FAM241A: variants seen among roughly 807,000 people sequenced by gnomAD.
The protein encoded by FAM241A is family with sequence similarity 241 member A.
FAM241A carries 7 observed loss-of-function variants against 12.2 expected under a neutral mutation model. That is an observed-to-expected ratio of 0.58 (90% CI 0.33 to 1.08). The LOEUF (loss-of-function observed/expected upper bound fraction) is 1.08. Ranked by LOEUF, FAM241A falls within the 50% of genes least tolerant of loss-of-function variation. The pLI is 0.04. For missense variants in FAM241A, 161 were observed against 169.7 expected, an observed-to-expected ratio of 0.95 and a Z score of 0.29; for synonymous variants, 74 against 68.2, an observed-to-expected ratio of 1.08 and a Z score of -0.42.
At chr4:112,149,555 A>T (rs1350835457) in intron 1 of FAM241A, among the ~76,000 whole-genome samples, 2 of 152,204 alleles carry the variant, frequency 1.3e-5, no homozygotes, top group African/African-American at 4.8e-5. Context: ...AAGTAGAAGA[A>T]CTAGGTCAAT....
rs1022660388 is a variant in FAM241A at position 112,188,901 on chromosome 4, A to T, written c.*1963A>T. 7 of 152,134 alleles carry T rather than the reference A, an allele frequency of 4.6e-5. No individual in the cohort carries two copies. Among genetic ancestry groups the T allele is most frequent in the African/African-American group, 7.2e-5 (3 of 41,428 alleles). The allele number at this position is 152,134 out of a possible 1,614,324, so 9.4% of individuals were successfully genotyped here. ...ATATTAAATTATATAAAGAAATAAGATATTTTGCTGTTATTCTTTCTACAT... is the reference window on the plus strand; with the variant it reads ...ATATTAAATTATATAAAGAAATAAGTTATTTTGCTGTTATTCTTTCTACAT... On this transcript the variant is annotated 3_prime_UTR_variant, in exon 2 of 2. Transcript: ENST00000309733.
At chr4:112,176,747 A>G (rs978561156) in intron 1 of FAM241A, among the ~76,000 whole-genome samples, 1 of 152,238 alleles carries the variant, frequency 6.6e-6, no homozygotes, top group Non-Finnish European at 1.5e-5. Flanking sequence ...GGACCAAAAA[A>G]AGAGTATCAC....
intron 1 of FAM241A, among the ~76,000 whole-genome samples, chr4:112,146,112 C>G (rs1254090866): frequency 1.3e-5 from 2 of 152,184 alleles, no homozygotes; most frequent in Non-Finnish European, 2.9e-5. Context: ...CGAGTCCGTG[C>G]CCTGCGCCAG....
At chr4:112,159,381 G>A (rs537422409) in intron 1 of FAM241A, among the ~76,000 whole-genome samples, 2 of 152,110 alleles carry the variant, frequency 1.3e-5, no homozygotes, top group South Asian at 4.2e-4. Flanking sequence ...AAAGATAGGA[G>A]GAAAAAGTAA....
At chr4:112,179,957 GTGTA>G (rs891755270) in intron 1 of FAM241A, among the ~76,000 whole-genome samples, 1 of 126,058 alleles carries the variant, frequency 7.9e-6, no homozygotes, top group African/African-American at 3.1e-5. Context: ...GTGTGTGTGT[GTGTA>G]TATATATATA....
chr4:112,149,966 T>G (rs1044105228), intron 1 of FAM241A, among the ~76,000 whole-genome samples: 1 of 152,106 alleles, frequency 6.6e-6, no homozygotes, highest in Non-Finnish European at 1.5e-5. Flanking sequence ...ATTTTTTTGG[T>G]AATTTCGTAT....
rs1336089622 is a variant in FAM241A at position 112,186,930 on chromosome 4, C to T, written c.391C>T (p.Gln131Ter). 2 of 1,612,240 alleles carry T rather than the reference C, an allele frequency of 1.2e-6. No homozygotes were observed. Among genetic ancestry groups the T allele is most frequent in the African/African-American group, 2.7e-5 (2 of 74,774 alleles). The change falls in exon 2 of 2, where the codon CAA (glutamine) becomes TAA (stop). Residue 131 changes from glutamine to a stop codon, truncating the protein, a stop_gained. Coordinates refer to ENST00000309733, the MANE Select transcript of FAM241A (RefSeq NM_152400.3). LOFTEE classifies it high-confidence loss of function. Reference protein sequence around the residue: ...AVLCLVIIYVQQ With the variant: ...AVLCLVIIYV ...TCTTTGCCTTGTTATTATTTATGTG[C>T]AACAGTAAAACATGGCCGAATTGAA...
At chr4:112,175,702 A>T (rs534721777) in intron 1 of FAM241A, among the ~76,000 whole-genome samples, 1 of 151,994 alleles carries the variant, frequency 6.6e-6, no homozygotes, top group East Asian at 1.9e-4. Context: ...CGGGAGGCAG[A>T]GGTTGCAGTG....
chr4:112,157,010 T>G (rs755990024), intron 1 of FAM241A, among the ~76,000 whole-genome samples: 1 of 152,116 alleles, frequency 6.6e-6, no homozygotes, highest in Non-Finnish European at 1.5e-5. Context: ...AGTAGAAAGA[T>G]AGTGAATAAA....
At position 112,187,435 on chromosome 4, in the gene FAM241A, C is replaced by G. The variant is rs1390410739; in HGVS notation, c.*497C>G. ...ATATTTGGATTTCAATTGTCCCTAC[C>G]CAGCCTAAACTAAGGTAAATGATAA... On this transcript the variant is annotated 3_prime_UTR_variant, in exon 2 of 2. Coordinates refer to ENST00000309733, the MANE Select transcript of FAM241A (RefSeq NM_152400.3). 1 of 153,164 alleles carries G rather than the reference C, an allele frequency of 6.5e-6. No individual in the cohort carries two copies. Among genetic ancestry groups the G allele is most frequent in the African/African-American group, 2.4e-5 (1 of 41,402 alleles). The allele number at this position is 153,164 out of a possible 1,614,324, so 9.5% of individuals were successfully genotyped here. A position where few individuals can be genotyped will look rare whatever the true frequency, so the allele number is the denominator to read the frequency against.
Position 112,192,809 on chromosome 4 carries a change from G to A in FAM241A, c.*5871G>A, listed in dbSNP as rs1289719536. On this transcript the variant is annotated 3_prime_UTR_variant, in exon 2 of 2. Transcript: ENST00000309733. ...GTGAATAGTGCTGCAATAAACATAC[G>A]TGTGCATGTGTCTTTATAGCAGCAT... is the stretch of plus-strand genomic sequence containing the variant. 7 of 151,584 alleles carry A rather than the reference G, an allele frequency of 4.6e-5. No homozygotes were observed. The highest frequency in any genetic ancestry group is 7.4e-5 in the Non-Finnish European group (5 of 67,916). 9.4% of individuals were successfully genotyped at this position (151,584 alleles called of 1,614,324 possible). A position where few individuals can be genotyped will look rare whatever the true frequency, so the allele number is the denominator to read the frequency against.
chr4:112,187,669 A>C lies in FAM241A; in HGVS notation c.*731A>C, dbSNP rs1400428932. 1.3e-5 allele frequency: 2 copies of C among 152,592 alleles called. No homozygotes were observed. The highest frequency in any genetic ancestry group is 2.4e-5 in the African/African-American group (1 of 41,454). 9.5% of individuals were successfully genotyped at this position (152,592 alleles called of 1,614,324 possible). A position where few individuals can be genotyped will look rare whatever the true frequency, so the allele number is the denominator to read the frequency against. ...TGCTAATTACTTTTTGTGAGTTTTT[A>C]AAGTCTCATAGCCTAGTTGACTGCA... On this transcript the variant is annotated 3_prime_UTR_variant, in exon 2 of 2. Transcript: ENST00000309733.
At chr4:112,181,366 T>A (rs973581473) in intron 1 of FAM241A, among the ~76,000 whole-genome samples, 4 of 152,106 alleles carry the variant, frequency 2.6e-5, no homozygotes, top group Admixed American at 2.0e-4. Context: ...TATCAAATAC[T>A]TCTCTAATGC....
intron 1 of FAM241A, chr4:112,171,090 A>G: frequency 8.7e-6 from 3 of 346,184 alleles, no homozygotes; most frequent in Non-Finnish European, 1.7e-5. Context: ...GCTATACTAC[A>G]GTGAGCCAGA....
At position 112,171,614 on chromosome 4, in the gene FAM241A, C is replaced by T. The variant is rs186283586; in HGVS notation, c.154-15079C>T. 8.4e-4 allele frequency: 483 copies of T among 573,306 alleles called. 2 individuals are homozygous for T. The highest frequency in any genetic ancestry group is 8.3e-3 in the African/African-American group (441 of 53,066). 35.5% of individuals were successfully genotyped at this position (573,306 alleles called of 1,614,324 possible). On this transcript the variant is annotated intron_variant, in intron 1 of 1. Coordinates refer to ENST00000309733, the MANE Select transcript of FAM241A (RefSeq NM_152400.3). The stretch of plus-strand genomic sequence containing the variant: ...GTGGCTCACGCCTGTGATCCCAGCA[C>T]TTTGGGAGGCCGAGGCGGGCGAATC...
chr4:112,172,660 T>A (rs570760762), intron 1 of FAM241A, among the ~76,000 whole-genome samples: 91 of 152,318 alleles, frequency 6.0e-4, no homozygotes, highest in Non-Finnish European at 1.1e-3. Flanking sequence ...TTTATAAATG[T>A]TAACCTCCAC....
rs1359340218 is a variant in FAM241A, at chr4:112,193,831, G to T, written c.*6893G>T. The stretch of plus-strand genomic sequence containing the variant: ...GCTTAGGATTGACTTGGCGATGCGG[G>T]CTCTTTTTTGGTTCCATATGAACTT... On this transcript the variant is annotated 3_prime_UTR_variant, in exon 2 of 2. Coordinates refer to ENST00000309733, the MANE Select transcript of FAM241A (RefSeq NM_152400.3). 6.6e-6 allele frequency: 1 copy of T among 150,414 alleles called. No individual in the cohort carries two copies. The highest frequency in any genetic ancestry group is 1.5e-5 in the Non-Finnish European group (1 of 67,522). The allele number at this position is 150,414 out of a possible 1,614,324, so 9.3% of individuals were successfully genotyped here. A position where few individuals can be genotyped will look rare whatever the true frequency, so the allele number is the denominator to read the frequency against.
chr4:112,171,146 C>T, intron 1 of FAM241A: 1 of 438,972 alleles, frequency 2.3e-6, no homozygotes. Flanking sequence ...AAAAAAAATG[C>T]AAAAACCACA....
At chr4:112,162,287 A>C (rs1338850130) in intron 1 of FAM241A, among the ~76,000 whole-genome samples, 2 of 152,218 alleles carry the variant, frequency 1.3e-5, no homozygotes, top group Non-Finnish European at 2.9e-5. Context: ...CCTATTCAAC[A>C]TACTGTTGGA....
Sources: allele counts gnomAD v4.1 joint callset (sites outside exome capture counted in the v4.1 genomes callset), GRCh38; gene constraint gnomAD v4.1.1; transcripts MANE v1.5; gene names NCBI Gene and HGNC (gene_info 2026-07-23, HGNC 2026-07-21).